Variants in LCORL observed in about 807,000 individuals in gnomAD.
LCORL encodes the protein ligand dependent nuclear receptor corepressor like, also known as ligand-dependent nuclear receptor corepressor-like protein.
A neutral mutation model predicts 141.8 loss-of-function variants in LCORL; 41 were observed. The ratio of observed to expected loss-of-function variants is 0.29; its 90% CI spans 0.23 to 0.38. The LOEUF is 0.38. Ranked by LOEUF, LCORL falls within the 10% of genes least tolerant of loss-of-function variation. The pLI, the probability that LCORL is intolerant of heterozygous loss-of-function variation, is 1.00. For synonymous variants in LCORL, 618 were observed against 694.1 expected (o/e 0.89, Z 1.72); for missense variants, 1,759 against 2,035.0 (o/e 0.86, Z 2.61).
At chr4:17,921,190 AT>A (rs199551309) in intron 4 of LCORL, among the ~76,000 whole-genome samples, 20 of 148,770 alleles carry the variant, frequency 1.3e-4, no homozygotes, top group African/African-American at 1.7e-4. Context: ...CACCTGGTTG[AT>A]TTTTTTTTTG....
At chr4:17,851,744 T>C (rs1003978850) in intron 7 of LCORL, among the ~76,000 whole-genome samples, 1 of 152,186 alleles carries the variant, frequency 6.6e-6, no homozygotes, top group African/African-American at 2.4e-5. Flanking sequence ...TTTGATATTA[T>C]CAAAGTGCCC....
chr4:17,872,420 CA>C (rs1475959839), intron 7 of LCORL, among the ~76,000 whole-genome samples: 1 of 151,992 alleles, frequency 6.6e-6, no homozygotes, highest in African/African-American at 2.4e-5. Flanking sequence ...GCTACAGAGA[CA>C]AAAACAAAAA....
chr4:17,945,418 T>TGGGGG (rs1358966825), intron 4 of LCORL, among the ~76,000 whole-genome samples: 2 of 151,956 alleles, frequency 1.3e-5, no homozygotes, highest in African/African-American at 2.4e-5. Flanking sequence ...GGGGTTTTTT[T>TGGGGG]TTTTACACTA....
At chr4:17,924,338 C>A (rs949830260) in intron 4 of LCORL, among the ~76,000 whole-genome samples, 1 of 152,190 alleles carries the variant, frequency 6.6e-6, no homozygotes, top group Non-Finnish European at 1.5e-5. Context: ...AACAAAGTGA[C>A]CATGGTGGCA....
At position 17,990,991 on chromosome 4, in the gene LCORL, A is replaced by T. The variant is rs1394228964; in HGVS notation, c.155-18106T>A. On this transcript the variant is annotated intron_variant, in intron 1 of 7. Transcript: ENST00000635767. ...ACACAGAAAAACTACCTTCAAAAAA[A>T]TAAAAATAAAAAGCTTTTTGAGAGT... 2.6e-5 allele frequency among the ~76,000 whole-genome samples: 4 copies of T among 152,252 alleles called. No homozygotes were observed. In the South Asian group the frequency reaches 8.3e-4, roughly 31 times the overall value.
intron 5 of LCORL, among the ~76,000 whole-genome samples, chr4:17,892,106 A>G (rs1729168967): frequency 6.6e-6 from 1 of 152,158 alleles, no homozygotes; most frequent in South Asian, 2.1e-4. Flanking sequence ...ATGGCGTTTC[A>G]GTCATGGGAG....
At chr4:17,900,066 A>G (rs1306696743) in intron 5 of LCORL, among the ~76,000 whole-genome samples, 1 of 152,130 alleles carries the variant, frequency 6.6e-6, no homozygotes, top group African/African-American at 2.4e-5. Flanking sequence ...CTGAATGGCA[A>G]CAGAGGACAC....
chr4:17,898,005 C>T (rs940962813), intron 5 of LCORL, among the ~76,000 whole-genome samples: 42 of 152,226 alleles, frequency 2.8e-4, no homozygotes, highest in African/African-American at 9.6e-4. Flanking sequence ...GTTTGCACTG[C>T]GTTTCCAATC....
chr4:17,904,030 T>C (rs1731260124), intron 5 of LCORL, among the ~76,000 whole-genome samples: 1 of 151,940 alleles, frequency 6.6e-6, no homozygotes, highest in Non-Finnish European at 1.5e-5. Context: ...GTATTTACAG[T>C]AAAGTAAAAC....
chr4:18,021,460 G>A lies in LCORL; in HGVS notation c.154+138C>T. ...AAAAGGCGAGCGCCGGGGCCGCCGC[G>A]CCGCGCCGCTCCCATCTCGCTCCCC... is the stretch of plus-strand genomic sequence containing the variant. On this transcript the variant is annotated intron_variant, in intron 1 of 7. Transcript: ENST00000635767. This position sits in a 1 kb window ranked among gnomAD's most constrained non-coding sequence, Gnocchi z 5.5. The A allele has an allele frequency of 1.5e-6, 1 of 684,730 alleles. No individual in the cohort carries two copies. Among genetic ancestry groups the A allele is most frequent in the Non-Finnish European group, 2.2e-6 (1 of 451,280 alleles). 42.4% of individuals were successfully genotyped at this position (684,730 alleles called of 1,614,324 possible). A position where few individuals can be genotyped will look rare whatever the true frequency, so the allele number is the denominator to read the frequency against.
chr4:17,842,691 G>T, exon 8 of LCORL: 1 of 268,820 alleles, frequency 3.7e-6, no homozygotes, highest in Non-Finnish European at 7.2e-6. Context: ...GATAATATTT[G>T]GGTTCTCTAC....
intron 1 of LCORL, among the ~76,000 whole-genome samples, chr4:17,982,821 T>C (rs533804474): frequency 7.0e-4 from 106 of 152,276 alleles, no homozygotes; most frequent in Non-Finnish European, 1.1e-3. Context: ...TTGGCATCTT[T>C]GTCATGTAAT....
intron 4 of LCORL, chr4:17,912,112 C>A: frequency 1.3e-6 from 1 of 794,534 alleles, no homozygotes; most frequent in East Asian, 2.5e-5. Flanking sequence ...CGTGAGGGCT[C>A]AAATTTTCGC....
At chr4:17,959,559 A>G (rs1188744499) in intron 4 of LCORL, among the ~76,000 whole-genome samples, 1 of 152,134 alleles carries the variant, frequency 6.6e-6, no homozygotes, top group Non-Finnish European at 1.5e-5. Flanking sequence ...ATCAATCATC[A>G]TCATTATCCC....
chr4:18,013,979 T>C (rs1196108122), intron 1 of LCORL, among the ~76,000 whole-genome samples: 1 of 152,144 alleles, frequency 6.6e-6, no homozygotes, highest in Non-Finnish European at 1.5e-5. Context: ...AGCTAATTTT[T>C]GTATTTTTAT....
intron 4 of LCORL, among the ~76,000 whole-genome samples, chr4:17,936,929 A>G (rs1318979304): frequency 1.3e-5 from 2 of 152,324 alleles, no homozygotes; most frequent in East Asian, 3.9e-4. Context: ...AAGTTGAACA[A>G]ATATGTAAGT....
At chr4:17,984,467 G>A (rs1053379190) in intron 1 of LCORL, among the ~76,000 whole-genome samples, 54 of 151,936 alleles carry the variant, frequency 3.6e-4, no homozygotes, top group Non-Finnish European at 5.2e-4. Context: ...GTCTCTTCAC[G>A]GAATCAATTT....
intron 4 of LCORL, among the ~76,000 whole-genome samples, chr4:17,922,716 T>C (rs1284187922): frequency 6.6e-6 from 1 of 152,056 alleles, no homozygotes; most frequent in Non-Finnish European, 1.5e-5. Flanking sequence ...GTATCTAGTG[T>C]TAAAGTGAGG....
chr4:17,956,129 AG>A (rs1472946887), intron 4 of LCORL, among the ~76,000 whole-genome samples: 2 of 152,186 alleles, frequency 1.3e-5, no homozygotes, highest in African/African-American at 2.4e-5. Flanking sequence ...TACCCCAGTT[AG>A]ACTGGGTATT....
Sources: allele counts gnomAD v4.1 joint callset (sites outside exome capture counted in the v4.1 genomes callset), GRCh38; gene constraint gnomAD v4.1.1; non-coding constraint Gnocchi (gnomAD v3.1); transcripts MANE v1.5; gene names NCBI Gene and HGNC (gene_info 2026-07-23, HGNC 2026-07-21).